Variants in AK9 observed in about 807,000 individuals in gnomAD.
The protein encoded by AK9 is adenylate kinase domain containing 1.
In AK9, 191 loss-of-function variants were observed where a neutral mutation model predicts 239.6. The ratio of observed to expected loss-of-function variants is 0.80; its 90% CI spans 0.71 to 0.90. The LOEUF (loss-of-function observed/expected upper bound fraction) is 0.90. Among genes scored for constraint, AK9 ranks in the 40% least tolerant of loss-of-function variants. The pLI is 0.00. For synonymous variants in AK9, 689 were observed against 721.0 expected (o/e 0.96, Z 0.71); for missense variants, 1,995 against 2,214.7 (o/e 0.90, Z 1.99).
intron 38 of AK9, among the ~76,000 whole-genome samples, chr6:109,496,848 G>T (rs953002274): frequency 2.0e-5 from 3 of 152,100 alleles, no homozygotes; most frequent in Non-Finnish European, 4.4e-5. Flanking sequence ...GAGCAAATTT[G>T]ATTCCAACAC....
intron 1 of AK9, among the ~76,000 whole-genome samples, chr6:109,681,972 C>T (rs2128353661): frequency 6.6e-6 from 1 of 152,140 alleles, no homozygotes; most frequent in South Asian, 2.1e-4. Context: ...ACTAAATGCC[C>T]ACAAGAGAAA....
chr6:109,579,417 A>G, intron 20 of AK9, 133 bp downstream of exon 20: 3 of 733,644 alleles, frequency 4.1e-6, no homozygotes, highest in South Asian at 2.0e-5. Context: ...CTTCAAGAAT[A>G]TAGGCATAAA....
rs1230523224 is a variant in AK9, at chr6:109,682,358, C to A, written c.-11-6602G>T. 2.8e-5 allele frequency among the ~76,000 whole-genome samples: 4 copies of A among 142,444 alleles called. No individual in the cohort carries two copies. In the East Asian group the frequency reaches 8.2e-4, roughly 29 times the overall value. 93.4% of individuals were successfully genotyped at this position (142,444 alleles called of 152,430 possible). A position where few individuals can be genotyped will look rare whatever the true frequency, so the allele number is the denominator to read the frequency against. ...AGGAGAATGGCGTGAACCCGGGAGGCGGAGCTTGCAGTGAGCCGAGATCGG... is the reference window on the plus strand; with the variant it reads ...AGGAGAATGGCGTGAACCCGGGAGGAGGAGCTTGCAGTGAGCCGAGATCGG... On this transcript the variant is annotated intron_variant, in intron 1 of 40. Transcript: ENST00000424296.
rs560777833 is a variant in AK9, at chr6:109,564,160, G to A, written c.2555C>T (p.Ala852Val). The change falls in exon 23 of 41, where the codon GCT becomes GTT. Residue 852 changes from alanine to valine, a missense_variant. Coordinates refer to ENST00000424296, the MANE Select transcript of AK9 (RefSeq NM_001145128.3). ...CTCCAAGTTTAAAATTTTAATGTAA[G>A]CCTCACTAATTGTTGCTTCTAGCTG... The part of the protein sequence containing the change: ...WKQLEATISE[A>V]YIKILNLEIA... 170 of 1,551,416 alleles carry A rather than the reference G, an allele frequency of 1.1e-4. No individual in the cohort carries two copies. In the East Asian group the frequency reaches 4.0e-3, roughly 36 times the overall value.
Position 109,675,629 on chromosome 6 carries a change from TG to T in AK9, c.116del (p.Pro39GlnfsTer8). On this transcript the variant is annotated frameshift_variant and splice_region_variant, in exon 2 of 41. Transcript: ENST00000424296. LOFTEE classifies it high-confidence loss of function. ...KPVCFVVFGK[P>X]GVGKTTLARY... ...TACCAAATAATAAGAGATAACTTAC[TG>T]GTTTCCCAAATACAACAAAGCAAAC... 1 of 1,491,474 alleles carries T rather than the reference TG, an allele frequency of 6.7e-7. No individual in the cohort carries two copies. Among genetic ancestry groups the T allele is most frequent in the Non-Finnish European group, 9.0e-7 (1 of 1,111,136 alleles). 92.4% of individuals were successfully genotyped at this position (1,491,474 alleles called of 1,614,324 possible). A position where few individuals can be genotyped will look rare whatever the true frequency, so the allele number is the denominator to read the frequency against.
chr6:109,598,536 G>C (rs1278849701), intron 17 of AK9, among the ~76,000 whole-genome samples: 1 of 152,090 alleles, frequency 6.6e-6, no homozygotes, highest in Non-Finnish European at 1.5e-5. Flanking sequence ...ATAAATCTAC[G>C]TGTGCATGTG....
intron 24 of AK9, among the ~76,000 whole-genome samples, chr6:109,560,710 T>C (rs904286396): frequency 3.9e-5 from 6 of 152,220 alleles, no homozygotes; most frequent in African/African-American, 1.4e-4. Context: ...TGAGTGATGT[T>C]AGACTGCAGT....
intron 17 of AK9, among the ~76,000 whole-genome samples, chr6:109,600,823 A>C (rs547605010): frequency 1.3e-5 from 2 of 152,284 alleles, no homozygotes; most frequent in African/African-American, 4.8e-5. Context: ...GTATGTGTCC[A>C]TGAATTTATC....
intron 24 of AK9, among the ~76,000 whole-genome samples, chr6:109,550,885 A>G (rs1207347818): frequency 6.6e-6 from 1 of 152,206 alleles, no homozygotes; most frequent in Non-Finnish European, 1.5e-5. Flanking sequence ...AATGTTTTTT[A>G]TGATGTAAAA....
intron 8 of AK9, among the ~76,000 whole-genome samples, chr6:109,645,239 C>T (rs1054376078): frequency 4.6e-5 from 7 of 152,086 alleles, no homozygotes; most frequent in African/African-American, 7.2e-5. Flanking sequence ...GAGGGCGAGC[C>T]GAAGCAGGGC....
chr6:109,607,924 T>A (rs894264717), intron 17 of AK9, among the ~76,000 whole-genome samples: 6 of 151,980 alleles, frequency 3.9e-5, no homozygotes, highest in Non-Finnish European at 8.8e-5. Flanking sequence ...AAGGACGCAA[T>A]GACAGGAGAA....
At chr6:109,573,130 G>A (rs1269378492) in intron 21 of AK9, among the ~76,000 whole-genome samples, 2 of 152,134 alleles carry the variant, frequency 1.3e-5, no homozygotes, top group Admixed American at 6.6e-5. Context: ...TTGAGAGACA[G>A]ACTATGGAAG....
At chr6:109,634,224 T>C (rs1022222023) in intron 10 of AK9, among the ~76,000 whole-genome samples, 1 of 152,144 alleles carries the variant, frequency 6.6e-6, no homozygotes, top group Non-Finnish European at 1.5e-5. Flanking sequence ...AGTGGACTTA[T>C]TATAAAGGCA....
chr6:109,619,266 A>G (rs1794544020), intron 12 of AK9, 30 bp from the exon 13 acceptor site: 1 of 1,532,530 alleles, frequency 6.5e-7, no homozygotes, highest in African/African-American at 1.4e-5. Flanking sequence ...AAATCGACAT[A>G]AGCAGGAGTT....
intron 21 of AK9, among the ~76,000 whole-genome samples, chr6:109,567,737 G>A (rs1028859815): frequency 1.8e-5 from 2 of 108,794 alleles, no homozygotes; most frequent in Non-Finnish European, 1.8e-5. Flanking sequence ...CTGTTGTGGG[G>A]TGGGGGGAGG....
chr6:109,509,097 T>A (rs1266531188), intron 33 of AK9, 82 bp downstream of exon 33: 1 of 1,333,388 alleles, frequency 7.5e-7, no homozygotes, highest in African/African-American at 1.5e-5. Flanking sequence ...TTAAGCCCCA[T>A]GTAAGTGTTT....
chr6:109,525,337 T>C (rs922453339), intron 29 of AK9, among the ~76,000 whole-genome samples: 2 of 152,020 alleles, frequency 1.3e-5, no homozygotes, highest in South Asian at 4.2e-4. Context: ...CTAAAGAGCT[T>C]TTTCACGCAA....
intron 1 of AK9, among the ~76,000 whole-genome samples, chr6:109,679,146 C>A (rs2128347664): frequency 6.6e-6 from 1 of 152,216 alleles, no homozygotes; most frequent in African/African-American, 2.4e-5. Context: ...AGCCAGGGAG[C>A]CAAGTGGTCT....
chr6:109,668,147 G>A (rs1315343893), intron 5 of AK9, among the ~76,000 whole-genome samples: 2 of 152,276 alleles, frequency 1.3e-5, no homozygotes, highest in African/African-American at 4.8e-5. Flanking sequence ...TTCTTGGACG[G>A]CCAGTGATGA....
Sources: allele counts gnomAD v4.1 joint callset (sites outside exome capture counted in the v4.1 genomes callset), GRCh38; gene constraint gnomAD v4.1.1; transcripts MANE v1.5; gene names NCBI Gene and HGNC (gene_info 2026-07-23, HGNC 2026-07-21).